The following FAM50B variants were observed in gnomAD, a reference collection of about 807,000 sequenced individuals.
The protein encoded by FAM50B is protein FAM50B.
FAM50B carries 9 observed loss-of-function variants against 25.4 expected under a neutral mutation model. The observed-to-expected ratio is 0.35, with a 90% CI of 0.21 to 0.62. FAM50B has a LOEUF of 0.62. Ranked by LOEUF, FAM50B falls within the 20% of genes least tolerant of loss-of-function variation. The pLI is 0.73. For synonymous variants in FAM50B, 212 were observed against 204.3 expected (o/e 1.04, Z -0.32); for missense variants, 372 against 477.9 (o/e 0.78, Z 2.07).
upstream of FAM50B, among the ~76,000 whole-genome samples, chr6:3,844,455 A>C (rs1300801343): frequency 6.6e-6 from 1 of 152,242 alleles, no homozygotes; most frequent in Non-Finnish European, 1.5e-5. Context: ...TCACGCCTGT[A>C]ATCCCAGCAC....
At chr6:3,848,575 A>G (rs200988168), upstream of FAM50B, among the ~76,000 whole-genome samples, 2 of 151,710 alleles carry the variant, frequency 1.3e-5, no homozygotes, top group East Asian at 3.9e-4. Context: ...GCTGAACCGC[A>G]GTATGTATTT....
At position 3,850,365 on chromosome 6, in the gene FAM50B, TG is replaced by T; in HGVS notation, c.556del (p.Glu186ArgfsTer28). 1 of 1,613,380 alleles carries T rather than the reference TG, an allele frequency of 6.2e-7. No homozygotes were observed. Among genetic ancestry groups the T allele is most frequent in the Non-Finnish European group, 8.5e-7 (1 of 1,179,900 alleles). ...CGCGAGAAAGTGAAGGACGAGGAGA[TG>T]GAGGTCACCTTCAGCTACTGGGACG... The part of the protein sequence containing the change: ...AQREKVKDEE[M>X]EVTFSYWDGS... On this transcript the variant is annotated frameshift_variant, in exon 2 of 2. Coordinates refer to ENST00000648326, the MANE Select transcript of FAM50B (RefSeq NM_012135.3). LOFTEE classifies it high-confidence loss of function.
At chr6:3,836,023 G>C in the FAM50B span, among the ~76,000 whole-genome samples, 5 of 152,174 alleles carry the variant, frequency 3.3e-5, no homozygotes, top group Non-Finnish European at 7.3e-5. Flanking sequence ...AGTGTTGTCA[G>C]TGTCAGTAGT....
At position 3,849,964 on chromosome 6, in the gene FAM50B, G is replaced by C; in HGVS notation, c.153G>C (p.Ala51=). 1 of 1,613,876 alleles carries C rather than the reference G, an allele frequency of 6.2e-7. No homozygotes were observed. Among genetic ancestry groups the C allele is most frequent in the Non-Finnish European group, 8.5e-7 (1 of 1,179,962 alleles). ...LKSQVDKRFS[A]HYDAVEAELK... is the part of the protein sequence containing the mutation. ...CGCAGGTGGACAAGAGGTTCTCGGCGCATTACGACGCCGTGGAGGCCGAGC... is the reference window on the plus strand; with the variant it reads ...CGCAGGTGGACAAGAGGTTCTCGGCCCATTACGACGCCGTGGAGGCCGAGC... Residue 51 remains alanine (A), a synonymous_variant, in exon 2 of 2, where the codon GCG becomes GCC. Transcript: ENST00000648326.
the FAM50B span, among the ~76,000 whole-genome samples, chr6:3,840,833 C>T: frequency 6.6e-6 from 1 of 152,304 alleles, no homozygotes; most frequent in East Asian, 1.9e-4. Flanking sequence ...TCAATACTTA[C>T]ATAACTATAT....
chr6:3,844,041 T>C, the FAM50B span, among the ~76,000 whole-genome samples: 71,469 of 152,072 alleles, frequency 0.47, 17,141 homozygotes, highest in Non-Finnish European at 0.49. Flanking sequence ...CCGTTTAAAA[T>C]AGAATTCAGA....
chr6:3,849,658 C>A, intron 1 of FAM50B, 131 bp from the exon 2 acceptor site: 2 of 1,340,398 alleles, frequency 1.5e-6, no homozygotes, highest in Non-Finnish European at 2.0e-6. Flanking sequence ...TGGTGGTTAC[C>A]CTAGCAGGTC....
At chr6:3,834,359 CAAAAAAA>C in the FAM50B span, among the ~76,000 whole-genome samples, 13 of 75,046 alleles carry the variant, frequency 1.7e-4, no homozygotes, top group South Asian at 2.2e-3. Context: ...TGATATATGG[CAAAAAAA>C]AAAAAAAAAA....
the FAM50B span, chr6:3,833,768 C>T: frequency 6.6e-6 from 1 of 152,110 alleles, no homozygotes; most frequent in Non-Finnish European, 1.5e-5. Flanking sequence ...GAGTGCCAGC[C>T]TAACGATGAA....
the FAM50B span, among the ~76,000 whole-genome samples, chr6:3,838,787 G>A: frequency 6.9e-6 from 1 of 144,318 alleles, no homozygotes; most frequent in African/African-American, 2.6e-5. Context: ...GTTGCAGTGA[G>A]CTGAGATCAT....
At chr6:3,839,809 G>A in the FAM50B span, among the ~76,000 whole-genome samples, 15 of 152,210 alleles carry the variant, frequency 9.9e-5, no homozygotes, top group East Asian at 1.4e-3. Context: ...GTGCTAGCCA[G>A]GAAGTCATAG....
At chr6:3,846,247 G>A (rs374366413), upstream of FAM50B, among the ~76,000 whole-genome samples, 6 of 152,132 alleles carry the variant, frequency 3.9e-5, no homozygotes, top group South Asian at 4.1e-4. Context: ...GGCATACCTC[G>A]GAGATACTGT....
At chr6:3,836,038 C>T in the FAM50B span, among the ~76,000 whole-genome samples, 1 of 152,194 alleles carries the variant, frequency 6.6e-6, no homozygotes, top group African/African-American at 2.4e-5. Flanking sequence ...AGTAGTATCA[C>T]AGTGTCATAT....
chr6:3,841,524 A>G, the FAM50B span, among the ~76,000 whole-genome samples: 1 of 152,326 alleles, frequency 6.6e-6, no homozygotes, highest in South Asian at 2.1e-4. Flanking sequence ...AGCACATTCT[A>G]TCTCTGTTTA....
In FAM50B at chr6:3,851,048, A is replaced by G. The variant is rs11752334; in HGVS notation, c.*259A>G. ...CTGTATTGAAACCATGACTGGGCCC[A>G]CTGTCAGACAGAAATTAGAATAGGA... On this transcript the variant is annotated 3_prime_UTR_variant, in exon 2 of 2. Coordinates refer to ENST00000648326, the MANE Select transcript of FAM50B (RefSeq NM_012135.3). 2.0e-6 allele frequency: 1 copy of G among 505,616 alleles called. No individual in the cohort carries two copies. Among genetic ancestry groups the G allele is most frequent in the South Asian group, 2.7e-5 (1 of 37,228 alleles). 31.3% of individuals were successfully genotyped at this position (505,616 alleles called of 1,614,324 possible). A position where few individuals can be genotyped will look rare whatever the true frequency, so the allele number is the denominator to read the frequency against.
the FAM50B span, among the ~76,000 whole-genome samples, chr6:3,833,049 G>A: frequency 1.3e-5 from 2 of 152,034 alleles, no homozygotes; most frequent in East Asian, 1.9e-4. Flanking sequence ...TAGTAGAGAC[G>A]AGGTTTCACC....
At chr6:3,842,115 A>C in the FAM50B span, among the ~76,000 whole-genome samples, 2 of 152,242 alleles carry the variant, frequency 1.3e-5, no homozygotes, top group South Asian at 4.1e-4. Flanking sequence ...CCTTCCCAGG[A>C]CCTGAACCAC....
At chr6:3,832,630 G>A in the FAM50B span, among the ~76,000 whole-genome samples, 7 of 152,118 alleles carry the variant, frequency 4.6e-5, no homozygotes, top group Non-Finnish European at 1.0e-4. Context: ...CACTGGAGAT[G>A]GGAGCTCTTG....
Position 3,850,711 on chromosome 6 carries a change from G to A in FAM50B, c.900G>A (p.Lys300=), listed in dbSNP as rs1326996616. 1.2e-6 allele frequency: 2 copies of A among 1,613,952 alleles called. No homozygotes were observed. The highest frequency in any genetic ancestry group is 1.7e-5 in the Admixed American group (1 of 60,010). The part of the protein sequence containing the change: ...GKVVLRSWYE[K]NKHIFPASRW... ...TGGTGCTGCGCAGCTGGTACGAGAAGAACAAGCACATCTTCCCCGCCAGCC... is the reference window on the plus strand; with the variant it reads ...TGGTGCTGCGCAGCTGGTACGAGAAAAACAAGCACATCTTCCCCGCCAGCC... Residue 300 remains lysine, a synonymous_variant, in exon 2 of 2, where the codon AAG becomes AAA. Coordinates refer to ENST00000648326, the MANE Select transcript of FAM50B (RefSeq NM_012135.3).
Sources: gnomAD v4.1 joint callset for allele counts (sites outside exome capture counted in the v4.1 genomes callset) on GRCh38, gnomAD v4.1.1 for gene constraint, MANE v1.5 for transcripts, NCBI Gene and HGNC (gene_info 2026-07-23, HGNC 2026-07-21) for gene names.